The following MROH9 variants were observed in gnomAD, a reference collection of about 807,000 sequenced individuals.
The protein encoded by MROH9 is maestro heat-like repeat-containing protein family member 9.
Under a neutral mutation model 98.2 loss-of-function variants are expected in MROH9, and 92 were observed. The observed-to-expected ratio is 0.94, with a 90% CI of 0.79 to 1.11. MROH9 has a LOEUF of 1.11. Ranked by LOEUF, MROH9 falls within the 50% of genes most tolerant of loss-of-function variation. The probability of loss-of-function intolerance (pLI) is 0.00; values close to 1 mark genes in which losing one functional copy is unlikely to be tolerated. For missense variants in MROH9, 1,057 were observed against 1,014.8 expected, an observed-to-expected ratio of 1.04 and a Z score of -0.57; for synonymous variants, 397 against 368.9, an observed-to-expected ratio of 1.08 and a Z score of -0.87.
chr1:171,010,104 C>A (rs977413224), intron 15 of MROH9, among the ~76,000 whole-genome samples: 5 of 152,172 alleles, frequency 3.3e-5, no homozygotes, highest in African/African-American at 9.6e-5. Flanking sequence ...CCCTAGCCCC[C>A]AACTCCCTGA....
At chr1:170,970,349 C>G (rs1158767998) in intron 7 of MROH9, among the ~76,000 whole-genome samples, 1 of 151,740 alleles carries the variant, frequency 6.6e-6, no homozygotes, top group East Asian at 1.9e-4. Flanking sequence ...TTTCTCATGC[C>G]CATACACAAT....
chr1:171,044,068 A>G (rs1470138177), intron 20 of MROH9, among the ~76,000 whole-genome samples: 5 of 152,108 alleles, frequency 3.3e-5, no homozygotes, highest in African/African-American at 1.2e-4. Context: ...AAAGGCTTTC[A>G]GTTTTTCCCC....
At chr1:170,964,372 A>T (rs533286103) in intron 6 of MROH9, among the ~76,000 whole-genome samples, 1 of 152,148 alleles carries the variant, frequency 6.6e-6, no homozygotes, top group Admixed American at 6.6e-5. Context: ...GACCCCTCTG[A>T]GATTTAGAAA....
chr1:171,015,581 T>A (rs549336557), intron 16 of MROH9, among the ~76,000 whole-genome samples: 3 of 152,310 alleles, frequency 2.0e-5, no homozygotes, highest in Admixed American at 6.5e-5. Context: ...TTTCCTTGCC[T>A]TCTATTCTGT....
intron 4 of MROH9, 63 bp from the exon 5 acceptor site, chr1:170,959,399 G>C (rs978189295): frequency 3.1e-6 from 4 of 1,276,298 alleles, no homozygotes; most frequent in Non-Finnish European, 4.3e-6. Context: ...AATAAATAAA[G>C]CCCACTAAAT....
Position 170,971,783 on chromosome 1 carries a change from A to C in MROH9, c.516A>C (p.Ala172=). 6.2e-7 allele frequency: 1 copy of C among 1,614,076 alleles called. No homozygotes were observed. The highest frequency in any genetic ancestry group is 1.1e-5 in the South Asian group (1 of 91,076). ...SVDAPCLGLL[A]AELSLLCSHE... ...ATGCTCCATGTTTGGGTCTCCTGGCAGCAGAGCTGTCTCTTTTGTGTTCCC... is the reference window on the plus strand; with the variant it reads ...ATGCTCCATGTTTGGGTCTCCTGGCCGCAGAGCTGTCTCTTTTGTGTTCCC... The change falls in exon 8 of 22, where the codon GCA becomes GCC. Residue 172 remains alanine (A), a synonymous_variant. Transcript: ENST00000367759.
At chr1:170,971,194 A>C (rs1650444137) in intron 7 of MROH9, among the ~76,000 whole-genome samples, 2 of 152,192 alleles carry the variant, frequency 1.3e-5, no homozygotes, top group Admixed American at 1.3e-4. Flanking sequence ...GTAGAAAGAA[A>C]TACAGAAATA....
intron 6 of MROH9, among the ~76,000 whole-genome samples, chr1:170,962,618 T>C (rs1183214785): frequency 6.6e-6 from 1 of 152,136 alleles, no homozygotes; most frequent in Admixed American, 6.6e-5. Flanking sequence ...CTATGAGCTG[T>C]ATAAATCATA....
intron 8 of MROH9, among the ~76,000 whole-genome samples, chr1:170,976,281 T>G (rs568436387): frequency 1.4e-4 from 21 of 152,316 alleles, no homozygotes; most frequent in African/African-American, 4.8e-4. Context: ...CTGTGACTGG[T>G]ACTGGTCTTT....
chr1:171,057,482 A>G (rs1332488695), intron 20 of MROH9, among the ~76,000 whole-genome samples: 1 of 152,160 alleles, frequency 6.6e-6, no homozygotes, highest in Non-Finnish European at 1.5e-5. Flanking sequence ...AGATGGAACC[A>G]GTGATAGACT....
chr1:170,955,751 C>T (rs1397319047), intron 3 of MROH9, among the ~76,000 whole-genome samples: 1 of 152,116 alleles, frequency 6.6e-6, no homozygotes, highest in African/African-American at 2.4e-5. Flanking sequence ...AAGATTTTCT[C>T]CCACTCTGTG....
chr1:170,970,738 G>GAGAGAT, intron 7 of MROH9, among the ~76,000 whole-genome samples: 1 of 126,678 alleles, frequency 7.9e-6, no homozygotes. Context: ...GTGTGAGAGA[G>GAGAGAT]AGAGAGAGAG....
rs772770574 is a variant in MROH9, at chr1:170,959,563, T to C, written c.254T>C (p.Met85Thr). The C allele has an allele frequency of 5.6e-6, 9 of 1,613,664 alleles. No homozygotes were observed. The highest frequency in any genetic ancestry group is 5.5e-5 in the South Asian group (5 of 90,984). Residue 85 changes from methionine to threonine, a missense_variant, in exon 5 of 22, where the codon ATG (methionine) becomes ACG (threonine). Transcript: ENST00000367759. ...VMPSLDKVKE[M>T]GSSYEYIEDM... ...CCAAGTCTTGACAAAGTAAAAGAAATGGGGAGCAGTTATGAGTACATTGAG... is the reference window on the plus strand; with the variant it reads ...CCAAGTCTTGACAAAGTAAAAGAAACGGGGAGCAGTTATGAGTACATTGAG...
At chr1:171,026,024 G>A (rs973114954) in intron 20 of MROH9, among the ~76,000 whole-genome samples, 2 of 152,108 alleles carry the variant, frequency 1.3e-5, no homozygotes, top group African/African-American at 4.8e-5. Flanking sequence ...ATCTTCCCTT[G>A]ACCCCAGTTA....
intron 20 of MROH9, among the ~76,000 whole-genome samples, chr1:171,037,072 A>G (rs1027598032): frequency 7.2e-5 from 11 of 151,964 alleles, no homozygotes; most frequent in Non-Finnish European, 1.0e-4. Flanking sequence ...TAGGTAGGAT[A>G]TTATATCTAT....
At position 170,952,601 on chromosome 1, in the gene MROH9, G is replaced by A. The variant is rs183577132; in HGVS notation, c.72+5028G>A. On this transcript the variant is annotated intron_variant, in intron 3 of 21. Coordinates refer to ENST00000367759, the MANE Select transcript of MROH9 (RefSeq NM_001163629.2). ...AACATCACACACTGGGGCCTGTTGT[G>A]GAGTTGGGGGAGGGGGGAGGGATAG... Among the ~76,000 whole-genome samples the A allele has an allele frequency of 2.7e-3, 382 of 139,586 alleles. 1 individual carries two copies. The highest frequency in any genetic ancestry group is 9.7e-3 in the African/African-American group (362 of 37,334). 91.6% of individuals were successfully genotyped at this position (139,586 alleles called of 152,430 possible).
Position 170,996,621 on chromosome 1 carries a change from T to C in MROH9, c.1452T>C (p.Tyr484=), listed in dbSNP as rs781149655. ...WDQLSEDLCY[Y]HGVCFIAKTL... ...AGTTATCTGAAGATCTGTGTTACTA[T>C]CATGGAGTCTGCTTTATTGCTAAGT... The change falls in exon 14 of 22, where the codon TAT becomes TAC. Residue 484 remains tyrosine (Y), a synonymous_variant. Transcript: ENST00000367759. 1.2e-6 allele frequency: 2 copies of C among 1,613,428 alleles called. No homozygotes were observed. The highest frequency in any genetic ancestry group is 1.7e-6 in the Non-Finnish European group (2 of 1,179,614).
At position 170,971,754 on chromosome 1, in the gene MROH9, G is replaced by A. The variant is rs754606899; in HGVS notation, c.487G>A (p.Val163Ile). ...TCCTTTGTTTCTCCATTAGATAAGT[G>A]TTGATGCTCCATGTTTGGGTCTCCT... is the stretch of plus-strand genomic sequence containing the variant. The part of the protein sequence containing the change: ...TVTKVRKYIS[V>I]DAPCLGLLAA... Residue 163 changes from valine (V) to isoleucine (I), a missense_variant, in exon 8 of 22, where the codon GTT becomes ATT. Physicochemically the swap from Val to Ile is conservative, Grantham distance 29. Transcript: ENST00000367759. 2 of 1,613,998 alleles carry A rather than the reference G, an allele frequency of 1.2e-6. No individual in the cohort carries two copies. The highest frequency in any genetic ancestry group is 8.5e-7 in the Non-Finnish European group (1 of 1,179,918).
At chr1:170,985,568 GCTT>G (rs1210529932) in intron 9 of MROH9, among the ~76,000 whole-genome samples, 1 of 152,152 alleles carries the variant, frequency 6.6e-6, no homozygotes. Context: ...ACTGGGAATT[GCTT>G]CTTCTACAAC....
Sources: gnomAD v4.1 joint callset for allele counts (sites outside exome capture counted in the v4.1 genomes callset) on GRCh38, gnomAD v4.1.1 for gene constraint, MANE v1.5 for transcripts, NCBI Gene and HGNC (gene_info 2026-07-23, HGNC 2026-07-21) for gene names.